TBC1D16: variants seen among roughly 807,000 people sequenced by gnomAD.
TBC1D16 encodes the protein CTD-2529O21.1.
Under a neutral mutation model 74.7 loss-of-function variants are expected in TBC1D16, and 58 were observed. The observed-to-expected ratio is 0.78, with a 90% CI of 0.63 to 0.97. The LOEUF is 0.97. TBC1D16 is among the 50% of genes least tolerant of loss of function. TBC1D16 has a pLI of 0.00. For synonymous variants in TBC1D16, 493 were observed against 474.7 expected (o/e 1.04, Z -0.50); for missense variants, 1,014 against 1,079.5 (o/e 0.94, Z 0.85).
At chr17:80,014,896 TAAGACGA>T (rs2036031431) in intron 1 of TBC1D16, among the ~76,000 whole-genome samples, 1 of 152,148 alleles carries the variant, frequency 6.6e-6, no homozygotes, top group African/African-American at 2.4e-5. Context: ...TTCATGTGGG[TAAGACGA>T]CCTGGGACGT....
At position 80,007,433 on chromosome 17, in the gene TBC1D16, T is replaced by C. The variant is rs2035718761; in HGVS notation, c.779+2727A>G. On this transcript the variant is annotated intron_variant, in intron 3 of 11. Transcript: ENST00000310924. This position sits in a 1 kb window ranked among gnomAD's most constrained non-coding sequence, Gnocchi z 4.5. The stretch of plus-strand genomic sequence containing the variant: ...TAATGGCCACAAGATCACACATAAC[T>C]CAGGATGATGCCAGGACTGGAAACA... 6.6e-6 allele frequency among the ~76,000 whole-genome samples: 1 copy of C among 152,132 alleles called. No homozygotes were observed. The highest frequency in any genetic ancestry group is 2.4e-5 in the African/African-American group (1 of 41,430).
At position 80,035,459 on chromosome 17, in the gene TBC1D16, C is replaced by T. The variant is rs74000348; in HGVS notation, c.-63+336G>A. On this transcript the variant is annotated intron_variant, in intron 1 of 11. Coordinates refer to ENST00000310924, the MANE Select transcript of TBC1D16 (RefSeq NM_019020.4). The surrounding 1 kb of genome is among the most constrained non-coding windows in gnomAD (Gnocchi z 5.3). ...TCCGCCGATTCAGCCAGACAAAGAC[C>T]GCAAGTTCCCCGGTCCACCGCTCCA... Among the ~76,000 whole-genome samples the T allele has an allele frequency of 2.2e-3, 334 of 152,130 alleles. 3 individuals are homozygous for T. The highest frequency in any genetic ancestry group is 7.9e-3 in the African/African-American group (328 of 41,552).
In TBC1D16 at chr17:79,961,899, A is replaced by G. The variant is rs905033160; in HGVS notation, c.780-9081T>C. On this transcript the variant is annotated intron_variant, in intron 3 of 11. Coordinates refer to ENST00000310924, the MANE Select transcript of TBC1D16 (RefSeq NM_019020.4). The surrounding 1 kb of genome is among the most constrained non-coding windows in gnomAD (Gnocchi z 4.8). ...AAATAAAAATAATAAAATAAAATAG[A>G]TAAGAACTGAAAACAACCCAGGGTT... 1.4e-4 allele frequency among the ~76,000 whole-genome samples: 21 copies of G among 152,212 alleles called. No homozygotes were observed. The highest frequency in any genetic ancestry group is 2.9e-4 in the African/African-American group (12 of 41,540).
chr17:80,001,622 C>T lies in TBC1D16; in HGVS notation c.779+8538G>A, dbSNP rs1030889746. Among the ~76,000 whole-genome samples the T allele has an allele frequency of 6.6e-6, 1 of 152,142 alleles. No homozygotes were observed. Among genetic ancestry groups the T allele is most frequent in the South Asian group, 2.1e-4 (1 of 4,834 alleles). ...TGAAATTTGGGAGGAATGGAGGATGCAGCCCTCCCAGCTCCTGGCCATCCC... is the reference window on the plus strand; with the variant it reads ...TGAAATTTGGGAGGAATGGAGGATGTAGCCCTCCCAGCTCCTGGCCATCCC... On this transcript the variant is annotated intron_variant, in intron 3 of 11. Coordinates refer to ENST00000310924, the MANE Select transcript of TBC1D16 (RefSeq NM_019020.4). The surrounding 1 kb of genome is among the most constrained non-coding windows in gnomAD (Gnocchi z 5.8).
rs941910629 is a variant in TBC1D16 at position 80,008,541 on chromosome 17, C to T, written c.779+1619G>A. On this transcript the variant is annotated intron_variant, in intron 3 of 11. Transcript: ENST00000310924. This position sits in a 1 kb window ranked among gnomAD's most constrained non-coding sequence, Gnocchi z 4.5. ...CCCTGGGGATGCAGGGACACGGGGACGCCTGCAGGTTCTGCTGCACTGTTG... is the reference window on the plus strand; with the variant it reads ...CCCTGGGGATGCAGGGACACGGGGATGCCTGCAGGTTCTGCTGCACTGTTG... Among the ~76,000 whole-genome samples the T allele has an allele frequency of 3.3e-5, 5 of 152,108 alleles. No individual in the cohort carries two copies. The highest frequency in any genetic ancestry group is 2.1e-4 in the South Asian group (1 of 4,832).
rs369109741 is a variant in TBC1D16, at chr17:79,950,595, C to G, written c.1090-17G>C. 1.5e-4 allele frequency: 235 copies of G among 1,609,034 alleles called. 1 individual carries two copies. Among genetic ancestry groups the G allele is most frequent in the Non-Finnish European group, 1.9e-4 (223 of 1,178,056 alleles). On this transcript the variant is annotated splice_polypyrimidine_tract_variant and intron_variant, in intron 5 of 11. Coordinates refer to ENST00000310924, the MANE Select transcript of TBC1D16 (RefSeq NM_019020.4). This position sits in a 1 kb window ranked among gnomAD's most constrained non-coding sequence, Gnocchi z 4.6. ...GGCGACCTGCTGGACGGGAGGAAAA[C>G]TGGGCAAAGGTCAGGATCTCAGCCG... is the stretch of plus-strand genomic sequence containing the variant.
At chr17:80,006,225 T>TC (rs1491304507) in intron 3 of TBC1D16, among the ~76,000 whole-genome samples, 37 of 146,828 alleles carry the variant, frequency 2.5e-4, no homozygotes, top group African/African-American at 8.6e-4. Context: ...TCTCTCTTTC[T>TC]TTCTCTCTCT....
intron 1 of TBC1D16, among the ~76,000 whole-genome samples, chr17:80,017,660 G>A (rs149026728): frequency 0.016 from 2,104 of 127,874 alleles, 32 homozygotes; most frequent in Middle Eastern, 0.076. Flanking sequence ...CAGCCTGGGC[G>A]ACAGAGCAAG....
At chr17:80,025,017 CA>C (rs2036505261) in intron 1 of TBC1D16, among the ~76,000 whole-genome samples, 1 of 14,214 alleles carries the variant, frequency 7.0e-5, no homozygotes, top group Non-Finnish European at 1.4e-4. Flanking sequence ...GACACACACA[CA>C]CACCACAGAT....
In TBC1D16 at chr17:79,979,321, G is replaced by A. The variant is rs1353034108; in HGVS notation, c.780-26503C>T. Among the ~76,000 whole-genome samples, 3 of 151,584 alleles carry A rather than the reference G, an allele frequency of 2.0e-5. No homozygotes were observed. Among genetic ancestry groups the A allele is most frequent in the African/African-American group, 7.3e-5 (3 of 41,208 alleles). On this transcript the variant is annotated intron_variant, in intron 3 of 11. Coordinates refer to ENST00000310924, the MANE Select transcript of TBC1D16 (RefSeq NM_019020.4). This position sits in a 1 kb window ranked among gnomAD's most constrained non-coding sequence, Gnocchi z 4.8. ...GCACACCCACGCCCAGAGCACACACGCTCCAGGGATGCACACCCACGCCCT... is the reference window on the plus strand; with the variant it reads ...GCACACCCACGCCCAGAGCACACACACTCCAGGGATGCACACCCACGCCCT...
rs964537456 is a variant in TBC1D16, at chr17:79,936,911, T to TGTGTGCGTGC, written c.*3947_*3948insGCACGCACAC. ...GCATGCGTGCGTGTGTGCATGTGCG[T>TGTGTGCGTGC]GTGTGTGTGTGTGTGTGTGTGTGTG... is the stretch of plus-strand genomic sequence containing the variant. On this transcript the variant is annotated 3_prime_UTR_variant, in exon 12 of 12. Transcript: ENST00000310924. 2.1e-5 allele frequency: 2 copies of TGTGTGCGTGC among 93,258 alleles called. No individual in the cohort carries two copies. The highest frequency in any genetic ancestry group is 7.0e-5 in the African/African-American group (2 of 28,698). 5.8% of individuals were successfully genotyped at this position (93,258 alleles called of 1,614,324 possible). A position where few individuals can be genotyped will look rare whatever the true frequency, so the allele number is the denominator to read the frequency against.
In TBC1D16 at chr17:80,007,836, C is replaced by T. The variant is rs908082079; in HGVS notation, c.779+2324G>A. On this transcript the variant is annotated intron_variant, in intron 3 of 11. Coordinates refer to ENST00000310924, the MANE Select transcript of TBC1D16 (RefSeq NM_019020.4). This position sits in a 1 kb window ranked among gnomAD's most constrained non-coding sequence, Gnocchi z 4.5. ...TGGGGGGTGGGGAGGCAGGCAGCAT[C>T]GCTCAGCAGGGCCAGATGGTGATGG... Among the ~76,000 whole-genome samples, 1 of 152,060 alleles carries T rather than the reference C, an allele frequency of 6.6e-6. No individual in the cohort carries two copies. Among genetic ancestry groups the T allele is most frequent in the African/African-American group, 2.4e-5 (1 of 41,390 alleles).
At chr17:79,995,753 C>T (rs2035252101) in intron 3 of TBC1D16, among the ~76,000 whole-genome samples, 1 of 151,980 alleles carries the variant, frequency 6.6e-6, no homozygotes, top group Non-Finnish European at 1.5e-5. Flanking sequence ...CCCCTGCACT[C>T]CAACCTGGGC....
rs995582759 is a variant in TBC1D16 at position 79,950,734 on chromosome 17, G to C, written c.1090-156C>G. ...AACCCCTAAATGGCGAGTGTAATTA[G>C]GCGCAATTAAAATGAAAATACCTTC... On this transcript the variant is annotated intron_variant, in intron 5 of 11. Coordinates refer to ENST00000310924, the MANE Select transcript of TBC1D16 (RefSeq NM_019020.4). This position sits in a 1 kb window ranked among gnomAD's most constrained non-coding sequence, Gnocchi z 4.6. 2.0e-6 allele frequency: 3 copies of C among 1,537,952 alleles called. No homozygotes were observed. Among genetic ancestry groups the C allele is most frequent in the Non-Finnish European group, 1.7e-6 (2 of 1,145,224 alleles).
chr17:79,953,764 C>CT (rs2143770388), intron 3 of TBC1D16, among the ~76,000 whole-genome samples: 1 of 152,026 alleles, frequency 6.6e-6, no homozygotes, highest in South Asian at 2.1e-4. Context: ...TTCTTTTTTT[C>CT]TTTTTTCTTT....
chr17:80,013,499 G>A lies in TBC1D16; in HGVS notation c.49C>T (p.Leu17Phe), dbSNP rs746684282. 1.2e-5 allele frequency: 19 copies of A among 1,578,032 alleles called. No individual in the cohort carries two copies. Among genetic ancestry groups the A allele is most frequent in the East Asian group, 4.6e-5 (2 of 43,438 alleles). ...LRRASSKASD[L>F]LTLTPGGSGS... ...CTGCCACCGGGGGTGAGGGTCAGGA[G>A]GTCCGAGGCTTTGGAGGAGGCCCTG... The change falls in exon 2 of 12, where the codon CTC (leucine) becomes TTC (phenylalanine). Residue 17 changes from leucine to phenylalanine, a missense_variant. Physicochemically the swap from Leu to Phe is conservative, Grantham distance 22 (BLOSUM62 0). Coordinates refer to ENST00000310924, the MANE Select transcript of TBC1D16 (RefSeq NM_019020.4).
chr17:80,006,664 CTT>C (rs528216270), intron 3 of TBC1D16, among the ~76,000 whole-genome samples: 27 of 147,366 alleles, frequency 1.8e-4, no homozygotes, highest in Non-Finnish European at 3.0e-5. Flanking sequence ...TTCTTTCTTT[CTT>C]TTTTTTTTTC....
intron 3 of TBC1D16, among the ~76,000 whole-genome samples, chr17:79,995,892 C>A (rs954802801): frequency 1.3e-5 from 2 of 152,290 alleles, no homozygotes; most frequent in Non-Finnish European, 2.9e-5. Flanking sequence ...ATAACCTGGA[C>A]TTCATCAACA....
chr17:79,944,234 G>T lies in TBC1D16; in HGVS notation c.1908+674C>A. Reference sequence around the variant, plus strand: ...GCCGTGGTGGATAGAGCCAGCTCCTGCAAAAGGGTCCAGCCCTCCTGGATG... The same window carrying T: ...GCCGTGGTGGATAGAGCCAGCTCCTTCAAAAGGGTCCAGCCCTCCTGGATG... On this transcript the variant is annotated intron_variant, in intron 10 of 11. Coordinates refer to ENST00000310924, the MANE Select transcript of TBC1D16 (RefSeq NM_019020.4). The surrounding 1 kb of genome is among the most constrained non-coding windows in gnomAD (Gnocchi z 7.7). 1 of 1,262,590 alleles carries T rather than the reference G, an allele frequency of 7.9e-7. No individual in the cohort carries two copies. The highest frequency in any genetic ancestry group is 1.1e-6 in the Non-Finnish European group (1 of 906,364). 78.2% of individuals were successfully genotyped at this position (1,262,590 alleles called of 1,614,324 possible).
Sources: allele counts gnomAD v4.1 joint callset (sites outside exome capture counted in the v4.1 genomes callset), GRCh38; gene constraint gnomAD v4.1.1; non-coding constraint Gnocchi (gnomAD v3.1); transcripts MANE v1.5; gene names NCBI Gene and HGNC (gene_info 2026-07-23, HGNC 2026-07-21).